Variants in KIAA1549L observed in about 807,000 individuals in gnomAD.
KIAA1549L encodes KIAA1549 like, also known as UPF0606 protein KIAA1549L.
In KIAA1549L, 88 loss-of-function variants were observed where a neutral mutation model predicts 160.7. That is an observed-to-expected ratio of 0.55 (90% CI 0.46 to 0.65). The LOEUF is 0.65. Ranked by LOEUF, KIAA1549L falls within the 30% of genes least tolerant of loss-of-function variation. The probability of loss-of-function intolerance (pLI) is 0.00; values close to 1 mark genes in which losing one functional copy is unlikely to be tolerated. For synonymous variants in KIAA1549L, 950 were observed against 976.7 expected (o/e 0.97, Z 0.51); for missense variants, 2,258 against 2,437.5 (o/e 0.93, Z 1.55).
chr11:33,394,601 T>G (rs568449240), intron 1 of KIAA1549L, among the ~76,000 whole-genome samples: 2 of 152,304 alleles, frequency 1.3e-5, no homozygotes, highest in South Asian at 4.2e-4. Flanking sequence ...GGTGCCTCTT[T>G]TAGACGGGGC....
intron 13 of KIAA1549L, 127 bp from the exon 14 acceptor site, chr11:33,606,514 G>A: frequency 4.7e-6 from 4 of 849,394 alleles, no homozygotes. Context: ...CACAGAAGCA[G>A]ATGCTGTCGT....
intron 1 of KIAA1549L, among the ~76,000 whole-genome samples, chr11:33,455,335 T>C (rs896273573): frequency 2.6e-5 from 4 of 152,238 alleles, no homozygotes; most frequent in Non-Finnish European, 2.9e-5. Flanking sequence ...TCAGTTGCAC[T>C]AGCCACCTGT....
rs763850676 is a variant in KIAA1549L, at chr11:33,408,949, C to CAAAA, written c.238+32079_238+32082dup. On this transcript the variant is annotated intron_variant, in intron 1 of 20. Coordinates refer to ENST00000658780, the MANE Select transcript of KIAA1549L (RefSeq NM_012194.3). ...TGGGTGACAGAGCGCGACTCCATCT[C>CAAAA]AAAAAAAAAAAAAAAAAAAAAATTA... is the stretch of plus-strand genomic sequence containing the variant. Among the ~76,000 whole-genome samples the CAAAA allele has an allele frequency of 7.5e-3, 498 of 66,822 alleles. 12 individuals carry two copies. Among genetic ancestry groups the CAAAA allele is most frequent in the Admixed American group, 0.024 (114 of 4,782 alleles). 43.8% of individuals were successfully genotyped at this position (66,822 alleles called of 152,430 possible). A position where few individuals can be genotyped will look rare whatever the true frequency, so the allele number is the denominator to read the frequency against.
At chr11:33,530,470 T>G (rs1467209500) in intron 1 of KIAA1549L, among the ~76,000 whole-genome samples, 1 of 94,242 alleles carries the variant, frequency 1.1e-5, no homozygotes, top group Non-Finnish European at 2.2e-5. Flanking sequence ...TATATATATA[T>G]ATATATATAT....
At chr11:33,490,111 A>G (rs1282987885) in intron 1 of KIAA1549L, among the ~76,000 whole-genome samples, 3 of 152,140 alleles carry the variant, frequency 2.0e-5, no homozygotes, top group Non-Finnish European at 4.4e-5. Context: ...GTTATTCTTC[A>G]TAACTACTCA....
rs576506990 is a variant in KIAA1549L, at chr11:33,583,399, C to T, written c.4464C>T (p.Ala1488=). 2.6e-5 allele frequency: 42 copies of T among 1,604,366 alleles called. No homozygotes were observed. The South Asian group carries it at 3.7e-4, about 14-fold the overall frequency. The stretch of plus-strand genomic sequence containing the variant: ...TCGCTGCAGTGCTGGCGCCCATTGC[C>T]GTGGTCACGGTCATCATCATCATCA... ...WIIAAVLAPI[A]VVTVIIIIIT... is the part of the protein sequence containing the mutation. The change falls in exon 11 of 21, where the codon GCC becomes GCT. Residue 1488 remains alanine (A), a synonymous_variant. Transcript: ENST00000658780.
At chr11:33,436,431 C>T (rs1469790892) in intron 1 of KIAA1549L, among the ~76,000 whole-genome samples, 3 of 152,130 alleles carry the variant, frequency 2.0e-5, no homozygotes, top group African/African-American at 4.8e-5. Flanking sequence ...TCTTTCTTAG[C>T]CTTTTATTCT....
intron 1 of KIAA1549L, among the ~76,000 whole-genome samples, chr11:33,435,795 TA>T (rs1851352183): frequency 2.7e-4 from 2 of 7,470 alleles, no homozygotes; most frequent in South Asian, 8.6e-3. Context: ...TATATATATA[TA>T]TATATATATA....
chr11:33,648,120 G>A (rs1316832991), intron 17 of KIAA1549L, among the ~76,000 whole-genome samples: 8 of 151,910 alleles, frequency 5.3e-5, no homozygotes, highest in Non-Finnish European at 1.0e-4. Context: ...TCAGCCTCCC[G>A]AGTAGCTGGG....
chr11:33,422,263 C>T (rs558869956), intron 1 of KIAA1549L, among the ~76,000 whole-genome samples: 2 of 152,178 alleles, frequency 1.3e-5, no homozygotes, highest in Non-Finnish European at 2.9e-5. Context: ...CCCAAGGTGA[C>T]TCCAAGGCAC....
chr11:33,468,483 C>A (rs183984369), intron 1 of KIAA1549L, among the ~76,000 whole-genome samples: 1 of 152,352 alleles, frequency 6.6e-6, no homozygotes, highest in East Asian at 1.9e-4. Context: ...CTGGGACATA[C>A]CTGTGTCATT....
At chr11:33,406,291 G>C (rs1286937185) in intron 1 of KIAA1549L, among the ~76,000 whole-genome samples, 3 of 152,186 alleles carry the variant, frequency 2.0e-5, no homozygotes, top group Admixed American at 6.5e-5. Flanking sequence ...GTTAGGAACC[G>C]AGTGTGGCTT....
intron 1 of KIAA1549L, among the ~76,000 whole-genome samples, chr11:33,422,302 G>A (rs1172579688): frequency 6.6e-6 from 1 of 152,132 alleles, no homozygotes; most frequent in African/African-American, 2.4e-5. Flanking sequence ...ACTGCCCTGT[G>A]TATTCCTTCC....
At chr11:33,630,385 G>T (rs1851247212) in intron 16 of KIAA1549L, among the ~76,000 whole-genome samples, 1 of 152,254 alleles carries the variant, frequency 6.6e-6, no homozygotes, top group Admixed American at 6.5e-5. Flanking sequence ...CAGCCTCGCT[G>T]CCACCTTGCA....
At chr11:33,588,410 A>G (rs534002115) in intron 11 of KIAA1549L, among the ~76,000 whole-genome samples, 1 of 152,328 alleles carries the variant, frequency 6.6e-6, no homozygotes, top group Admixed American at 6.5e-5. Context: ...TTGGGGAGAC[A>G]TTCAAGGCCC....
rs1393642836 is a variant in KIAA1549L, at chr11:33,542,283, C to G, written c.720C>G (p.Pro240=). The change falls in exon 2 of 21, where the codon CCC becomes CCG. Residue 240 remains proline, a synonymous_variant. Coordinates refer to ENST00000658780, the MANE Select transcript of KIAA1549L (RefSeq NM_012194.3). ...AGCATCCCCCAAGGTCAGACATTCC[C>G]CCACTCCTCCCTCTACCTCCATCCT... ...ISKHPPRSDI[P]PLLPLPPSSS... 6.2e-6 allele frequency: 4 copies of G among 648,538 alleles called. No individual in the cohort carries two copies. The highest frequency in any genetic ancestry group is 4.4e-5 in the Admixed American group (2 of 45,034). 40.2% of individuals were successfully genotyped at this position (648,538 alleles called of 1,614,324 possible).
At chr11:33,583,533 G>A (rs369261020) in intron 11 of KIAA1549L, 32 bp downstream of exon 11, 19 of 1,545,116 alleles carry the variant, frequency 1.2e-5, no homozygotes, top group Non-Finnish European at 1.7e-5. Context: ...AGGGGCAGGA[G>A]GACAGGCCTG....
chr11:33,449,706 T>C (rs1851682177), intron 1 of KIAA1549L, among the ~76,000 whole-genome samples: 2 of 152,090 alleles, frequency 1.3e-5, no homozygotes, highest in African/African-American at 4.8e-5. Flanking sequence ...CTTCCTCCCA[T>C]CAAAAGCAGA....
At chr11:33,506,317 A>G (rs1334333475) in intron 1 of KIAA1549L, among the ~76,000 whole-genome samples, 1 of 152,210 alleles carries the variant, frequency 6.6e-6, no homozygotes, top group Non-Finnish European at 1.5e-5. Flanking sequence ...GTTAGTCTAA[A>G]GCTGATTCAA....
Sources: gnomAD v4.1 joint callset for allele counts (sites outside exome capture counted in the v4.1 genomes callset) on GRCh38, gnomAD v4.1.1 for gene constraint, MANE v1.5 for transcripts, NCBI Gene and HGNC (gene_info 2026-07-23, HGNC 2026-07-21) for gene names.